ERBB4: variants seen among roughly 807,000 people sequenced by gnomAD.
The protein encoded by ERBB4 is receptor tyrosine-protein kinase erbB-4.
In ERBB4, 42 loss-of-function variants were observed where a neutral mutation model predicts 158.0. That is an observed-to-expected ratio of 0.27 (90% confidence interval 0.21 to 0.34). The LOEUF is 0.34. Among genes scored for constraint, ERBB4 ranks in the 10% least tolerant of loss-of-function variants. The probability of loss-of-function intolerance (pLI) is 1.00; values close to 1 mark genes in which losing one functional copy is unlikely to be tolerated. For missense variants in ERBB4, 1,333 were observed against 1,624.1 expected (o/e 0.82, Z 3.08); for synonymous variants, 583 against 558.7 (o/e 1.04, Z -0.61).
intron 1 of ERBB4, among the ~76,000 whole-genome samples, chr2:212,202,337 A>G (rs2105904885): frequency 6.6e-6 from 1 of 152,212 alleles, no homozygotes; most frequent in Non-Finnish European, 1.5e-5. Context: ...ATGTTTTGAC[A>G]TGAAATATTA....
intron 3 of ERBB4, among the ~76,000 whole-genome samples, chr2:211,791,869 G>T (rs2076285649): frequency 1.3e-5 from 2 of 151,908 alleles, no homozygotes; most frequent in Middle Eastern, 3.4e-3. Flanking sequence ...ATGCATGCAA[G>T]TTGAGTAAAA....
intron 2 of ERBB4, among the ~76,000 whole-genome samples, chr2:211,956,193 C>T (rs988475333): frequency 2.6e-5 from 4 of 151,880 alleles, no homozygotes; most frequent in African/African-American, 9.7e-5. Context: ...ATCAGATAAA[C>T]ACATTAAGCT....
intron 20 of ERBB4, among the ~76,000 whole-genome samples, chr2:211,512,472 A>G (rs959106326): frequency 6.6e-6 from 1 of 152,062 alleles, no homozygotes; most frequent in Non-Finnish European, 1.5e-5. Context: ...TTTTATATAG[A>G]AAGAAACTTC....
chr2:211,872,460 G>C (rs1167481325), intron 3 of ERBB4, among the ~76,000 whole-genome samples: 1 of 152,170 alleles, frequency 6.6e-6, no homozygotes, highest in Non-Finnish European at 1.5e-5. Context: ...TTTTCTGACA[G>C]TCTTGTCCTT....
chr2:212,382,413 CT>C (rs1288480651), intron 1 of ERBB4, among the ~76,000 whole-genome samples: 1 of 150,220 alleles, frequency 6.7e-6, no homozygotes, highest in Non-Finnish European at 1.5e-5. Context: ...GTATTTTTTC[CT>C]GCAATAAAAC....
chr2:212,377,804 A>T (rs987136642), intron 1 of ERBB4, among the ~76,000 whole-genome samples: 3 of 151,878 alleles, frequency 2.0e-5, no homozygotes, highest in African/African-American at 7.2e-5. Flanking sequence ...AGTTTTAAAA[A>T]TCCTTTGTTT....
chr2:211,457,542 G>A (rs1181661249), intron 20 of ERBB4, among the ~76,000 whole-genome samples: 1 of 152,158 alleles, frequency 6.6e-6, no homozygotes, highest in Non-Finnish European at 1.5e-5. Flanking sequence ...AACACTCAAG[G>A]TTAGAGCTGA....
At chr2:211,929,521 C>T (rs2080115350) in intron 3 of ERBB4, among the ~76,000 whole-genome samples, 1 of 152,100 alleles carries the variant, frequency 6.6e-6, no homozygotes, top group Non-Finnish European at 1.5e-5. Flanking sequence ...ACACTTCAGC[C>T]TGTGGGCACA....
chr2:212,224,357 C>G (rs887264313), intron 1 of ERBB4, among the ~76,000 whole-genome samples: 1 of 151,774 alleles, frequency 6.6e-6, no homozygotes, highest in East Asian at 1.9e-4. Flanking sequence ...TCATTTGGAT[C>G]ATGAGTTTGA....
At chr2:211,688,879 C>T (rs1485752619) in intron 12 of ERBB4, among the ~76,000 whole-genome samples, 4 of 151,438 alleles carry the variant, frequency 2.6e-5, no homozygotes, top group Non-Finnish European at 5.9e-5. Flanking sequence ...ATAGGATTGA[C>T]CCTATGCTTA....
chr2:212,446,576 CCCATATATATATATGT>C, intron 1 of ERBB4, among the ~76,000 whole-genome samples: 1 of 43,496 alleles, frequency 2.3e-5, no homozygotes, highest in Non-Finnish European at 5.4e-5. Context: ...TTAATAAACT[CCCATATATATATATGT>C]ATATATATAT....
chr2:212,105,368 T>G (rs975419530), intron 2 of ERBB4, among the ~76,000 whole-genome samples: 6 of 152,216 alleles, frequency 3.9e-5, no homozygotes, highest in African/African-American at 1.2e-4. Context: ...TAAAAACTTT[T>G]CCTTATGATT....
rs76524169 is a variant in ERBB4, at chr2:211,806,337, A to G, written c.422-18178T>C. Among the ~76,000 whole-genome samples the G allele has an allele frequency of 7.2e-3, 1,102 of 152,300 alleles. 10 individuals carry two copies. Among genetic ancestry groups the G allele is most frequent in the African/African-American group, 0.025 (1,048 of 41,574 alleles). ...CGTGTGAAAAGTAGTAACTTCAAAT[A>G]CTAAGTGAAATTCTTTTTAACTTAG... On this transcript the variant is annotated intron_variant, in intron 3 of 27. Transcript: ENST00000342788.
At chr2:211,458,066 A>G (rs761295557) in intron 20 of ERBB4, among the ~76,000 whole-genome samples, 1 of 127,866 alleles carries the variant, frequency 7.8e-6, no homozygotes, top group Middle Eastern at 4.1e-3. Flanking sequence ...TGTGCTTTAT[A>G]AACTAAATTC....
chr2:211,963,456 A>G (rs1228613784), intron 2 of ERBB4, among the ~76,000 whole-genome samples: 2 of 152,156 alleles, frequency 1.3e-5, no homozygotes, highest in Non-Finnish European at 2.9e-5. Context: ...CATCAATACA[A>G]TCCATAAAAT....
At chr2:212,388,405 G>A (rs1478678360) in intron 1 of ERBB4, among the ~76,000 whole-genome samples, 1 of 152,090 alleles carries the variant, frequency 6.6e-6, no homozygotes, top group African/African-American at 2.4e-5. Context: ...TGCTAAATAG[G>A]AGGATCTTGA....
intron 4 of ERBB4, among the ~76,000 whole-genome samples, chr2:211,763,041 T>C (rs1254324881): frequency 2.0e-5 from 3 of 148,734 alleles, no homozygotes; most frequent in African/African-American, 7.4e-5. Flanking sequence ...ATCTAGGGAT[T>C]GTGTGTGTGT....
At chr2:211,855,005 T>C (rs1477445427) in intron 3 of ERBB4, among the ~76,000 whole-genome samples, 3 of 152,144 alleles carry the variant, frequency 2.0e-5, no homozygotes, top group Non-Finnish European at 4.4e-5. Flanking sequence ...CATTCCTCCA[T>C]GTACTCAACA....
intron 1 of ERBB4, among the ~76,000 whole-genome samples, chr2:212,474,517 C>G (rs1272797683): frequency 6.6e-6 from 1 of 152,058 alleles, no homozygotes; most frequent in African/African-American, 2.4e-5. Flanking sequence ...CAACTTGTCC[C>G]AAGCTTCAAG....
Sources: gnomAD v4.1 joint callset for allele counts (sites outside exome capture counted in the v4.1 genomes callset) on GRCh38, gnomAD v4.1.1 for gene constraint, MANE v1.5 for transcripts, NCBI Gene and HGNC (gene_info 2026-07-23, HGNC 2026-07-21) for gene names.